HDHD5: variants seen among roughly 807,000 people sequenced by gnomAD.
The protein encoded by HDHD5 is haloacid dehalogenase like hydrolase domain containing 5, also known as haloacid dehalogenase-like hydrolase domain-containing 5.
Under a neutral mutation model 35.5 loss-of-function variants are expected in HDHD5, and 34 were observed. That is an observed-to-expected ratio of 0.96 (90% CI 0.73 to 1.28). The LOEUF is 1.28. Ranked by LOEUF, HDHD5 falls within the 50% of genes most tolerant of loss-of-function variation. HDHD5 has a pLI of 0.00. For synonymous variants in HDHD5, 248 were observed against 240.6 expected, an observed-to-expected ratio of 1.03 and a Z score of -0.29; for missense variants, 589 against 560.2, an observed-to-expected ratio of 1.05 and a Z score of -0.52.
Position 17,137,791 on chromosome 22 carries a change from C to G in HDHD5, c.*230G>C. 1.9e-6 allele frequency: 1 copy of G among 531,218 alleles called. No homozygotes were observed. The highest frequency in any genetic ancestry group is 3.4e-6 in the Non-Finnish European group (1 of 296,458). The allele number at this position is 531,218 out of a possible 1,614,324, so 32.9% of individuals were successfully genotyped here. A position where few individuals can be genotyped will look rare whatever the true frequency, so the allele number is the denominator to read the frequency against. On this transcript the variant is annotated 3_prime_UTR_variant, in exon 8 of 8. Coordinates refer to ENST00000336737, the MANE Select transcript of HDHD5 (RefSeq NM_033070.3). Reference sequence around the variant, plus strand: ...TGAGGTTAGACTGCCACGAAAGGCACGTGGGAACTGGGCCCAGAAAATTCC... The same window carrying G: ...TGAGGTTAGACTGCCACGAAAGGCAGGTGGGAACTGGGCCCAGAAAATTCC...
At chr22:17,162,079 T>C (rs2061866802), upstream of HDHD5, among the ~76,000 whole-genome samples, 3 of 152,128 alleles carry the variant, frequency 2.0e-5, no homozygotes, top group Admixed American at 6.5e-5. Flanking sequence ...AGACGCATAG[T>C]AGAGTTGTCA....
At chr22:17,156,753 G>A (rs1365664175) in intron 1 of HDHD5, among the ~76,000 whole-genome samples, 1 of 150,556 alleles carries the variant, frequency 6.6e-6, no homozygotes, top group East Asian at 1.9e-4. Context: ...TCCAGCCTGG[G>A]CAACAGAGCG....
intron 1 of HDHD5, among the ~76,000 whole-genome samples, chr22:17,154,410 T>C (rs1475342381): frequency 1.3e-5 from 2 of 151,084 alleles, no homozygotes; most frequent in South Asian, 2.1e-4. Flanking sequence ...ACTCGGGAGA[T>C]GGTGTTTGCA....
chr22:17,164,018 C>T (rs575052342), upstream of HDHD5, among the ~76,000 whole-genome samples: 95 of 152,190 alleles, frequency 6.2e-4, 1 homozygote, highest in African/African-American at 2.2e-3. Context: ...GTCAGGAGTT[C>T]GAGACCAGCC....
chr22:17,160,126 T>C (rs2061852708), upstream of HDHD5, among the ~76,000 whole-genome samples: 1 of 152,144 alleles, frequency 6.6e-6, no homozygotes, highest in Non-Finnish European at 1.5e-5. Flanking sequence ...GGCCCATTCA[T>C]AGGTATAGCT....
chr22:17,160,195 T>C (rs1463882901), upstream of HDHD5, among the ~76,000 whole-genome samples: 1 of 152,052 alleles, frequency 6.6e-6, no homozygotes, highest in Non-Finnish European at 1.5e-5. Context: ...GAGTCGAGGA[T>C]ATGGACAGAG....
chr22:17,158,952 G>T (rs1012967108), intron 1 of HDHD5, 174 bp downstream of exon 1: 5 of 511,962 alleles, frequency 9.8e-6, no homozygotes, highest in Non-Finnish European at 1.4e-5. Context: ...GTCAGAGGAA[G>T]GCAGGGCGCA....
intron 5 of HDHD5, 117 bp downstream of exon 5, chr22:17,142,981 G>A (rs1412358915): frequency 4.0e-6 from 4 of 997,766 alleles, no homozygotes; most frequent in Non-Finnish European, 5.6e-6. Context: ...CAGGTGTCCT[G>A]ACTCCAAGGC....
chr22:17,160,057 G>T (rs1190450398), upstream of HDHD5, among the ~76,000 whole-genome samples: 1 of 152,240 alleles, frequency 6.6e-6, no homozygotes, highest in Non-Finnish European at 1.5e-5. Context: ...AGATTCTGCT[G>T]GAGGAAAGAG....
chr22:17,143,013 G>T (rs1480628833), intron 5 of HDHD5, 85 bp downstream of exon 5: 29 of 1,466,838 alleles, frequency 2.0e-5, no homozygotes, highest in Non-Finnish European at 2.4e-5. Context: ...GAACCAGGCT[G>T]CAGGCAGTCA....
chr22:17,141,535 T>A, intron 5 of HDHD5: 1 of 1,199,534 alleles, frequency 8.3e-7, no homozygotes, highest in Non-Finnish European at 1.0e-6. Flanking sequence ...CCTTGCTGGC[T>A]GGGACTCTGC....
chr22:17,159,293 C>CCA (rs1555882045), upstream of HDHD5: 4 of 1,239,034 alleles, frequency 3.2e-6, no homozygotes, highest in African/African-American at 3.4e-5. Context: ...GCGGCCCCCC[C>CCA]CCCCCGCGAG....
At chr22:17,151,602 C>T (rs1454825921) in intron 1 of HDHD5, among the ~76,000 whole-genome samples, 2 of 151,910 alleles carry the variant, frequency 1.3e-5, no homozygotes, top group South Asian at 2.1e-4. Context: ...TGGTGGTGGG[C>T]GCCTGTCATC....
rs372764350 is a variant in HDHD5 at position 17,138,092 on chromosome 22, A to C, written c.1201T>G (p.Ser401Ala). The change falls in exon 8 of 8, where the codon TCC becomes GCC. Residue 401 changes from serine to alanine, a missense_variant. Transcript: ENST00000336737. ...TCATTCACGTCATTCACCACGTGGG[A>C]GGCCTCCATGAGCCCTGGACTGAAG... ...LCFSPGLMEA[S>A]HVVNDVNEAV... The C allele has an allele frequency of 6.2e-7, 1 of 1,614,040 alleles. No homozygotes were observed. The highest frequency in any genetic ancestry group is 2.2e-5 in the East Asian group (1 of 44,872).
At chr22:17,152,322 CAG>C (rs367785476) in intron 1 of HDHD5, among the ~76,000 whole-genome samples, 4 of 152,180 alleles carry the variant, frequency 2.6e-5, no homozygotes, top group African/African-American at 9.6e-5. Context: ...CAACCCAAGA[CAG>C]AGAAGATGGA....
intron 1 of HDHD5, among the ~76,000 whole-genome samples, chr22:17,158,080 G>A (rs527417837): frequency 1.3e-5 from 2 of 152,286 alleles, no homozygotes; most frequent in South Asian, 4.1e-4. Context: ...CACCACTCTG[G>A]GAGGCCAAGA....
In HDHD5 at chr22:17,148,526, G is replaced by A; in HGVS notation, c.365C>T (p.Pro122Leu). ...DADQVILSHSPMKLFSEYHEK... is the reference protein window; with the variant it reads ...DADQVILSHSLMKLFSEYHEK... ...ATGGTACTCGGAGAAGAGCTTCATGGGGCTGTGAGAGAGGATAACTTGGTC... is the reference window on the plus strand; with the variant it reads ...ATGGTACTCGGAGAAGAGCTTCATGAGGCTGTGAGAGAGGATAACTTGGTC... Residue 122 changes from proline to leucine, a missense_variant, in exon 3 of 8, where the codon CCC becomes CTC. By Grantham distance (98) the Pro-to-Leu change is moderately conservative. Transcript: ENST00000336737. 3.7e-6 allele frequency: 6 copies of A among 1,614,190 alleles called. No homozygotes were observed. The highest frequency in any genetic ancestry group is 1.1e-5 in the South Asian group (1 of 91,086).
intron 1 of HDHD5, among the ~76,000 whole-genome samples, 176 bp from the exon 2 acceptor site, chr22:17,149,921 T>C (rs1415866961): frequency 1.3e-5 from 2 of 152,042 alleles, no homozygotes; most frequent in East Asian, 3.9e-4. Context: ...AATAGAGAAA[T>C]CCAAAGAAAA....
intron 4 of HDHD5, among the ~76,000 whole-genome samples, chr22:17,144,488 A>G (rs980071323): frequency 6.8e-5 from 10 of 146,536 alleles, no homozygotes; most frequent in Non-Finnish European, 1.2e-4. Flanking sequence ...ATGTCAGCTC[A>G]CTGCAACCTC....
Sources: allele counts gnomAD v4.1 joint callset (sites outside exome capture counted in the v4.1 genomes callset), GRCh38; gene constraint gnomAD v4.1.1; transcripts MANE v1.5; gene names NCBI Gene and HGNC (gene_info 2026-07-23, HGNC 2026-07-21).